The following RBFOX3 variants were observed in gnomAD, a reference collection of about 807,000 sequenced individuals.
RBFOX3 encodes the protein RNA binding protein fox-1 homolog 3.
RBFOX3 carries 17 observed loss-of-function variants against 48.7 expected under a neutral mutation model. The ratio of observed to expected loss-of-function variants is 0.35; its 90% CI spans 0.24 to 0.52. RBFOX3 has a LOEUF of 0.52. RBFOX3 is among the 20% of genes least tolerant of loss of function. The pLI is 0.94. For missense variants in RBFOX3, 382 were observed against 497.5 expected (o/e 0.77, Z 2.21); for synonymous variants, 212 against 209.5 (o/e 1.01, Z -0.10).
At chr17:79,420,759 C>A (rs1185031521) in intron 2 of RBFOX3, among the ~76,000 whole-genome samples, 3 of 152,242 alleles carry the variant, frequency 2.0e-5, no homozygotes, top group Non-Finnish European at 2.9e-5. Context: ...AGGGTCAGGC[C>A]TCTGCCCTCA....
At chr17:79,625,016 G>A in the RBFOX3 span, among the ~76,000 whole-genome samples, 1 of 152,058 alleles carries the variant, frequency 6.6e-6, no homozygotes, top group Non-Finnish European at 1.5e-5. Flanking sequence ...CTGGCATATG[G>A]CACACCTCCC....
chr17:79,302,500 T>C (rs1016455311), intron 3 of RBFOX3, among the ~76,000 whole-genome samples: 20 of 152,104 alleles, frequency 1.3e-4, no homozygotes, highest in African/African-American at 4.8e-4. Flanking sequence ...GCCAACATGG[T>C]GAAACCCCTT....
intron 3 of RBFOX3, among the ~76,000 whole-genome samples, chr17:79,298,676 C>T (rs1211561089): frequency 6.6e-6 from 1 of 152,152 alleles, no homozygotes; most frequent in Non-Finnish European, 1.5e-5. Flanking sequence ...GAAGGTGCCC[C>T]CTGAGATCCG....
intron 3 of RBFOX3, among the ~76,000 whole-genome samples, chr17:79,256,056 T>C (rs1322801576): frequency 6.6e-6 from 1 of 151,654 alleles, no homozygotes; most frequent in Non-Finnish European, 1.5e-5. Context: ...ACCACCAACT[T>C]CCCTGGTGCG....
At chr17:79,118,782 G>T (rs1190165259) in intron 4 of RBFOX3, among the ~76,000 whole-genome samples, 1 of 148,984 alleles carries the variant, frequency 6.7e-6, no homozygotes, top group Non-Finnish European at 1.5e-5. Context: ...AGACCATCCT[G>T]GACAACACAG....
chr17:79,092,503 C>T (rs540624609), intron 14 of RBFOX3: 2 of 986,068 alleles, frequency 2.0e-6, no homozygotes, highest in African/African-American at 3.5e-5. Flanking sequence ...GGGAGGGGTG[C>T]ACTGTCTTCT....
At chr17:79,525,511 C>T (rs2086677840) in intron 1 of RBFOX3, among the ~76,000 whole-genome samples, 1 of 152,230 alleles carries the variant, frequency 6.6e-6, no homozygotes, top group Non-Finnish European at 1.5e-5. Context: ...GAGGGGCCAG[C>T]TGCCAAAATC....
chr17:79,257,287 A>G (rs8064357), intron 3 of RBFOX3, among the ~76,000 whole-genome samples: 83,295 of 152,152 alleles, frequency 0.55, 22,721 homozygotes, highest in East Asian at 0.6. Context: ...CAGAGACACC[A>G]GCACAGGGAT....
At chr17:79,547,397 G>A (rs2090590536) in intron 1 of RBFOX3, among the ~76,000 whole-genome samples, 1 of 152,214 alleles carries the variant, frequency 6.6e-6, no homozygotes. Flanking sequence ...GGAGGTTGCA[G>A]TGAGCCAAGA....
chr17:79,266,963 G>A (rs533943806), intron 3 of RBFOX3, among the ~76,000 whole-genome samples: 1 of 152,282 alleles, frequency 6.6e-6, no homozygotes, highest in South Asian at 2.1e-4. Flanking sequence ...CTTGAGTTCT[G>A]TGAGATGTTC....
chr17:79,657,662 G>C, the RBFOX3 span, among the ~76,000 whole-genome samples: 1 of 152,202 alleles, frequency 6.6e-6, no homozygotes, highest in Non-Finnish European at 1.5e-5. Context: ...CTGGGTAACA[G>C]AGCAAGACTC....
chr17:79,654,338 T>C, the RBFOX3 span, among the ~76,000 whole-genome samples: 1 of 152,162 alleles, frequency 6.6e-6, no homozygotes, highest in African/African-American at 2.4e-5. Flanking sequence ...AAGACTCTTC[T>C]AGGGCAGGTG....
chr17:79,343,340 A>T (rs1460366760), intron 2 of RBFOX3, among the ~76,000 whole-genome samples: 1 of 152,110 alleles, frequency 6.6e-6, no homozygotes, highest in Non-Finnish European at 1.5e-5. Context: ...AACGTGATGA[A>T]ACCCCATCTC....
intron 1 of RBFOX3, among the ~76,000 whole-genome samples, chr17:79,538,449 C>T (rs527291146): frequency 2.6e-4 from 39 of 152,328 alleles, no homozygotes; most frequent in African/African-American, 8.4e-4. Context: ...TTTGGCCTTG[C>T]GGGAGGCAGG....
chr17:79,329,221 T>C (rs2079825886), intron 2 of RBFOX3, among the ~76,000 whole-genome samples: 1 of 152,122 alleles, frequency 6.6e-6, no homozygotes, highest in Non-Finnish European at 1.5e-5. Flanking sequence ...ATCCCTAACA[T>C]TTCCAACCCA....
rs145263350 is a variant in RBFOX3, at chr17:79,307,234, C to T, written c.-74+490G>A. On this transcript the variant is annotated intron_variant, in intron 3 of 14. Coordinates refer to ENST00000693108, the MANE Select transcript of RBFOX3 (RefSeq NM_001350451.2). The stretch of plus-strand genomic sequence containing the variant: ...TGGCCACTTGGGCAAAGCTTTTTGA[C>T]ACCTGTGCCCGGGACGAGCTCCACC... Among the ~76,000 whole-genome samples the T allele has an allele frequency of 3.0e-3, 458 of 152,372 alleles. 1 individual carries two copies. The highest frequency in any genetic ancestry group is 0.011 in the African/African-American group (444 of 41,600).
At chr17:79,638,432 A>G in the RBFOX3 span, among the ~76,000 whole-genome samples, 2 of 152,214 alleles carry the variant, frequency 1.3e-5, no homozygotes, top group Non-Finnish European at 2.9e-5. Flanking sequence ...CTGAAATAAA[A>G]AAGATTATAA....
intron 4 of RBFOX3, among the ~76,000 whole-genome samples, chr17:79,156,229 G>A (rs2045769685): frequency 6.6e-6 from 1 of 152,214 alleles, no homozygotes; most frequent in Non-Finnish European, 1.5e-5. Context: ...CACCCAGAGA[G>A]AAACTGTCCT....
chr17:79,428,142 C>T (rs1349157201), intron 2 of RBFOX3, among the ~76,000 whole-genome samples: 2 of 152,272 alleles, frequency 1.3e-5, no homozygotes, highest in Non-Finnish European at 2.9e-5. Context: ...TCGCTGTCCT[C>T]GTTCCCTCTC....
Sources: allele counts gnomAD v4.1 joint callset (sites outside exome capture counted in the v4.1 genomes callset), GRCh38; gene constraint gnomAD v4.1.1; transcripts MANE v1.5; gene names NCBI Gene and HGNC (gene_info 2026-07-23, HGNC 2026-07-21).